The following CRHR1 variants were observed in gnomAD, a reference collection of about 807,000 sequenced individuals.
The protein encoded by CRHR1 is corticotropin releasing hormone receptor 1.
Under a neutral mutation model 56.0 loss-of-function variants are expected in CRHR1, and 28 were observed. The observed-to-expected ratio is 0.50, with a 90% CI of 0.37 to 0.69. The LOEUF (loss-of-function observed/expected upper bound fraction) is 0.69, where lower values mean the gene tolerates loss of function less well. Ranked by LOEUF, CRHR1 falls within the 30% of genes least tolerant of loss-of-function variation. The pLI is 0.00. For synonymous variants in CRHR1, 195 were observed against 216.5 expected, an observed-to-expected ratio of 0.90 and a Z score of 0.87; for missense variants, 376 against 548.0, an observed-to-expected ratio of 0.69 and a Z score of 3.13.
chr17:45,797,468 T>C (rs2061543080), intron 1 of CRHR1, among the ~76,000 whole-genome samples: 1 of 151,824 alleles, frequency 6.6e-6, no homozygotes, highest in South Asian at 2.1e-4. Context: ...TTTTTTGTAT[T>C]TTTAGTAGAG....
At chr17:45,785,109 TA>T (rs950691309) in intron 1 of CRHR1, among the ~76,000 whole-genome samples, 2 of 152,060 alleles carry the variant, frequency 1.3e-5, no homozygotes, top group African/African-American at 4.8e-5. Flanking sequence ...CCTTGATCAA[TA>T]TCGCAGTCTC....
chr17:45,827,406 A>C (rs2062188787), intron 4 of CRHR1, among the ~76,000 whole-genome samples: 1 of 152,220 alleles, frequency 6.6e-6, no homozygotes, highest in African/African-American at 2.4e-5. Context: ...GGGGCTTCTC[A>C]GCATGGATTT....
chr17:45,790,957 A>G (rs1373488475), intron 1 of CRHR1, among the ~76,000 whole-genome samples: 3 of 152,152 alleles, frequency 2.0e-5, no homozygotes, highest in Admixed American at 2.0e-4. Context: ...CCTGGTCAGT[A>G]CCAAAGCCCA....
rs562219811 is a variant in CRHR1 at position 45,811,511 on chromosome 17, G to A, written c.121+4414G>A. On this transcript the variant is annotated intron_variant, in intron 2 of 12. Coordinates refer to ENST00000314537, the MANE Select transcript of CRHR1 (RefSeq NM_004382.5). Reference sequence around the variant, plus strand: ...CCAGCAGCTCACCCCCAACCTAAAGGCCTGTGGTGACGTGCGCTGGTGAGT... The same window carrying A: ...CCAGCAGCTCACCCCCAACCTAAAGACCTGTGGTGACGTGCGCTGGTGAGT... 6.9e-4 allele frequency among the ~76,000 whole-genome samples: 105 copies of A among 152,326 alleles called. 1 individual carries two copies. Among genetic ancestry groups the A allele is most frequent in the Middle Eastern group, 3.4e-3 (1 of 294 alleles).
chr17:45,823,211 C>T (rs965371785), intron 4 of CRHR1, among the ~76,000 whole-genome samples: 6 of 151,496 alleles, frequency 4.0e-5, no homozygotes, highest in African/African-American at 1.5e-4. Flanking sequence ...CCACACCCAA[C>T]ACCTAAGAAA....
At chr17:45,805,126 C>A (rs955916717) in intron 1 of CRHR1, among the ~76,000 whole-genome samples, 5 of 152,126 alleles carry the variant, frequency 3.3e-5, no homozygotes, top group African/African-American at 1.2e-4. Flanking sequence ...ATTTTAATAT[C>A]ATTACTGACT....
intron 1 of CRHR1, among the ~76,000 whole-genome samples, chr17:45,804,510 G>A (rs1226480267): frequency 1.3e-5 from 2 of 152,144 alleles, no homozygotes; most frequent in Non-Finnish European, 2.9e-5. Context: ...GGACAGGACT[G>A]GGAGGGAGTG....
At chr17:45,808,937 G>T (rs1321647317) in intron 2 of CRHR1, among the ~76,000 whole-genome samples, 1 of 152,218 alleles carries the variant, frequency 6.6e-6, no homozygotes, top group Non-Finnish European at 1.5e-5. Flanking sequence ...GCCTCAGCAG[G>T]CTTTTAAAAG....
chr17:45,812,851 G>T (rs1456936023), intron 2 of CRHR1, among the ~76,000 whole-genome samples: 1 of 152,092 alleles, frequency 6.6e-6, no homozygotes, highest in Non-Finnish European at 1.5e-5. Flanking sequence ...TTGTAGTCGG[G>T]TGGCTTAAGT....
chr17:45,812,326 C>T (rs181934347), intron 2 of CRHR1, among the ~76,000 whole-genome samples: 1 of 152,284 alleles, frequency 6.6e-6, no homozygotes, highest in Non-Finnish European at 1.5e-5. Context: ...CCAGGAGAGG[C>T]ACTGTGGGAC....
At chr17:45,815,407 TCC>T (rs2061906659) in intron 2 of CRHR1, among the ~76,000 whole-genome samples, 1 of 152,030 alleles carries the variant, frequency 6.6e-6, no homozygotes, top group Non-Finnish European at 1.5e-5. Context: ...TGCCCCAACA[TCC>T]TCTCTCTCTC....
intron 4 of CRHR1, chr17:45,827,232 A>G (rs1233117190): frequency 2.6e-5 from 4 of 152,134 alleles, no homozygotes; most frequent in Non-Finnish European, 5.9e-5. Flanking sequence ...CCCCACTCCA[A>G]CCCCAAGGGC....
chr17:45,818,580 G>A (rs1403829506), intron 3 of CRHR1, among the ~76,000 whole-genome samples: 1 of 152,170 alleles, frequency 6.6e-6, no homozygotes, highest in Admixed American at 6.5e-5. Flanking sequence ...ACTTCCCTCT[G>A]TGATCCCAGG....
chr17:45,831,419 A>C (rs2062306473), intron 8 of CRHR1, among the ~76,000 whole-genome samples: 2 of 152,232 alleles, frequency 1.3e-5, no homozygotes, highest in African/African-American at 4.8e-5. Context: ...CCATGAATTT[A>C]ATAGAAGTGG....
chr17:45,833,287 T>C (rs242950), intron 9 of CRHR1, 77 bp downstream of exon 9: 1,374,382 of 1,521,158 alleles, frequency 0.9, 622,042 homozygotes, highest in East Asian at 1. Flanking sequence ...CAGAAAGGAC[T>C]CCTCTACCTA....
At chr17:45,791,852 TCACACA>T (rs59855327) in intron 1 of CRHR1, among the ~76,000 whole-genome samples, 20 of 121,094 alleles carry the variant, frequency 1.7e-4, no homozygotes, top group African/African-American at 5.4e-4. Flanking sequence ...TCTCTCTCTC[TCACACA>T]CACACACACA....
intron 8 of CRHR1, 118 bp from the exon 9 acceptor site, chr17:45,833,020 G>T: frequency 1.2e-6 from 1 of 850,268 alleles, no homozygotes; most frequent in Non-Finnish European, 2.0e-6. Flanking sequence ...GGTTGGAATT[G>T]GGACATCTAC....
At chr17:45,792,791 C>T (rs1185120221) in intron 1 of CRHR1, among the ~76,000 whole-genome samples, 3 of 152,304 alleles carry the variant, frequency 2.0e-5, no homozygotes, top group African/African-American at 7.2e-5. Context: ...TGATGTATCC[C>T]CCCACAGGGG....
rs764608785 is a variant in CRHR1, at chr17:45,821,382, A to G, written c.269A>G (p.Asn90Ser). ...TNNGYRECLA[N>S]GSWAARVNYS... is the part of the protein sequence containing the mutation. ...AATGGCTACCGGGAGTGCCTGGCCA[A>G]TGGCAGCTGGGCCGCCCGCGTGAAT... is the stretch of plus-strand genomic sequence containing the variant. The change falls in exon 4 of 13, where the codon AAT becomes AGT. Residue 90 changes from asparagine (N) to serine (S), a missense_variant. By Grantham distance (46) the Asn-to-Ser change is conservative. Coordinates refer to ENST00000314537, the MANE Select transcript of CRHR1 (RefSeq NM_004382.5). The G allele has an allele frequency of 5.6e-6, 9 of 1,613,564 alleles. No homozygotes were observed. Among genetic ancestry groups the G allele is most frequent in the Non-Finnish European group, 6.8e-6 (8 of 1,180,026 alleles).
Sources: allele counts gnomAD v4.1 joint callset (sites outside exome capture counted in the v4.1 genomes callset), GRCh38; gene constraint gnomAD v4.1.1; transcripts MANE v1.5; gene names NCBI Gene and HGNC (gene_info 2026-07-23, HGNC 2026-07-21).